Variants in SHTN1 observed in about 807,000 individuals in gnomAD.
The protein encoded by SHTN1 is shootin-1.
SHTN1 carries 42 observed loss-of-function variants against 83.1 expected under a neutral mutation model. That is an observed-to-expected ratio of 0.51 (90% CI 0.39 to 0.65). The LOEUF (loss-of-function observed/expected upper bound fraction) is 0.65, where lower values mean the gene tolerates loss of function less well. SHTN1 is among the 30% of genes least tolerant of loss of function. The pLI is 0.00. For synonymous variants in SHTN1, 224 were observed against 247.7 expected, an observed-to-expected ratio of 0.90 and a Z score of 0.90; for missense variants, 622 against 737.8, an observed-to-expected ratio of 0.84 and a Z score of 1.82.
intron 2 of SHTN1, among the ~76,000 whole-genome samples, chr10:117,045,285 C>T (rs564479890): frequency 2.0e-5 from 3 of 152,176 alleles, no homozygotes; most frequent in Admixed American, 2.0e-4. Flanking sequence ...CAAAAGTGTG[C>T]AACAATCTGA....
chr10:117,070,002 C>A (rs1490975802), intron 1 of SHTN1, among the ~76,000 whole-genome samples: 1 of 151,828 alleles, frequency 6.6e-6, no homozygotes, highest in Non-Finnish European at 1.5e-5. Flanking sequence ...TAGCAAGGAA[C>A]TACGATGATA....
chr10:116,948,881 T>C, intron 7 of SHTN1, 35 bp downstream of exon 7: 9 of 1,438,606 alleles, frequency 6.3e-6, no homozygotes, highest in Non-Finnish European at 8.4e-6. Flanking sequence ...ACACACCGCA[T>C]ACGTATTTGA....
intron 9 of SHTN1, among the ~76,000 whole-genome samples, chr10:116,939,373 C>T (rs1490745773): frequency 6.6e-6 from 1 of 152,164 alleles, no homozygotes; most frequent in Non-Finnish European, 1.5e-5. Context: ...TGGAGAGCAC[C>T]ATTCCTCACA....
At chr10:117,011,843 T>C (rs1292168472) in intron 2 of SHTN1, among the ~76,000 whole-genome samples, 1 of 152,126 alleles carries the variant, frequency 6.6e-6, no homozygotes, top group Non-Finnish European at 1.5e-5. Flanking sequence ...ATTATGTTCA[T>C]GAATTAGAAA....
intron 1 of SHTN1, among the ~76,000 whole-genome samples, chr10:117,065,796 GGA>G (rs2133599124): frequency 2.2e-4 from 5 of 22,672 alleles, no homozygotes; most frequent in South Asian, 3.3e-3. Flanking sequence ...AAGGAAGGAA[GGA>G]AGGAAGGAAG....
At chr10:117,046,573 T>C (rs1165164373) in intron 2 of SHTN1, among the ~76,000 whole-genome samples, 1 of 152,168 alleles carries the variant, frequency 6.6e-6, no homozygotes, top group African/African-American at 2.4e-5. Context: ...AACATGAATA[T>C]TCATAGTAGT....
chr10:117,090,303 A>G lies in SHTN1; in HGVS notation c.-189+36004T>C, dbSNP rs568557898. On this transcript the variant is annotated intron_variant, in intron 1 of 17. Coordinates refer to the SHTN1 transcript ENST00000392901. ...GACACTAAGTCAGTTTAAATAAGCCAGTCACAAAAGGACAGATACTGATAT... is the reference window on the plus strand; with the variant it reads ...GACACTAAGTCAGTTTAAATAAGCCGGTCACAAAAGGACAGATACTGATAT... Among the ~76,000 whole-genome samples the G allele has an allele frequency of 7.4e-4, 112 of 152,340 alleles. 2 individuals are homozygous for G. The South Asian group carries it at 0.022, about 30-fold the overall frequency.
chr10:116,888,033 C>T (rs925234926), intron 16 of SHTN1, among the ~76,000 whole-genome samples: 18 of 152,290 alleles, frequency 1.2e-4, no homozygotes, highest in African/African-American at 4.1e-4. Context: ...GTTTAAAAAC[C>T]ACTCCCTCTG....
upstream of SHTN1, among the ~76,000 whole-genome samples, chr10:117,007,294 T>C (rs2133552561): frequency 6.6e-6 from 1 of 152,028 alleles, no homozygotes; most frequent in Non-Finnish European, 1.5e-5. Flanking sequence ...AGAGTGCCCA[T>C]TAAATATTTG....
At chr10:116,921,591 CTT>C (rs1463655163) in intron 11 of SHTN1, 75 bp from the exon 12 acceptor site, 2 of 1,013,498 alleles carry the variant, frequency 2.0e-6, no homozygotes, top group Non-Finnish European at 1.5e-6. Flanking sequence ...AAATCTCACT[CTT>C]TGATAGGTGC....
chr10:116,915,348 G>C (rs1564874268), intron 13 of SHTN1, 27 bp downstream of exon 13: 3 of 1,177,148 alleles, frequency 2.5e-6, no homozygotes, highest in Non-Finnish European at 2.5e-6. Flanking sequence ...TATCAAACAG[G>C]GAAAAAAGCA....
At chr10:117,099,537 A>G (rs1853558623) in intron 1 of SHTN1, among the ~76,000 whole-genome samples, 1 of 152,182 alleles carries the variant, frequency 6.6e-6, no homozygotes, top group Non-Finnish European at 1.5e-5. Flanking sequence ...AAGTTGTTAA[A>G]TAGTGGGGCT....
At chr10:116,937,276 GTA>G (rs1432582528) in intron 9 of SHTN1, among the ~76,000 whole-genome samples, 1 of 152,090 alleles carries the variant, frequency 6.6e-6, no homozygotes, top group Non-Finnish European at 1.5e-5. Flanking sequence ...TTACAATTTG[GTA>G]TGTTTTTGCA....
chr10:116,963,830 A>G (rs1850293803), intron 3 of SHTN1, among the ~76,000 whole-genome samples: 1 of 152,218 alleles, frequency 6.6e-6, no homozygotes, highest in African/African-American at 2.4e-5. Context: ...GACCCTGAGA[A>G]CATAGAAGTA....
At chr10:116,949,481 C>T (rs896664268) in intron 6 of SHTN1, among the ~76,000 whole-genome samples, 1 of 151,996 alleles carries the variant, frequency 6.6e-6, no homozygotes, top group Admixed American at 6.6e-5. Flanking sequence ...CCAGAAAATA[C>T]AAGAATCATT....
intron 1 of SHTN1, among the ~76,000 whole-genome samples, chr10:117,117,995 G>T (rs1409086918): frequency 6.6e-6 from 1 of 152,096 alleles, no homozygotes; most frequent in Non-Finnish European, 1.5e-5. Context: ...AGATTTTTGT[G>T]TAAGACCTCA....
rs1031095837 is a variant in SHTN1, at chr10:116,942,311, C to G, written c.712-1699G>C. On this transcript the variant is annotated intron_variant, in intron 8 of 16. Coordinates refer to ENST00000355371, the MANE Select transcript of SHTN1 (RefSeq NM_001127211.3). Reference sequence around the variant, plus strand: ...CACTGCAACCTCTGCCTCTCAGGTTCAAGTGATTCTCGTGCCTCAGCCTCC... The same window carrying G: ...CACTGCAACCTCTGCCTCTCAGGTTGAAGTGATTCTCGTGCCTCAGCCTCC... Among the ~76,000 whole-genome samples, 9 of 151,832 alleles carry G rather than the reference C, an allele frequency of 5.9e-5. No homozygotes were observed. In the South Asian group the frequency reaches 8.3e-4, roughly 14 times the overall value.
chr10:116,931,117 A>G (rs1371715955), intron 9 of SHTN1, among the ~76,000 whole-genome samples: 1 of 137,360 alleles, frequency 7.3e-6, no homozygotes, highest in African/African-American at 2.7e-5. Context: ...AAATTTAGTA[A>G]TAAGTATCAA....
At chr10:117,083,306 G>C (rs975936787) in intron 1 of SHTN1, among the ~76,000 whole-genome samples, 2 of 146,890 alleles carry the variant, frequency 1.4e-5, no homozygotes, top group East Asian at 2.0e-4. Flanking sequence ...GCTTAGTTTG[G>C]CTGGACATGA....
Sources: allele counts gnomAD v4.1 joint callset (sites outside exome capture counted in the v4.1 genomes callset), GRCh38; gene constraint gnomAD v4.1.1; transcripts MANE v1.5; gene names NCBI Gene and HGNC (gene_info 2026-07-23, HGNC 2026-07-21).